Variants in KIF16B observed in about 807,000 individuals in gnomAD.
KIF16B encodes the protein kinesin-like protein KIF16B.
KIF16B carries 98 observed loss-of-function variants against 156.3 expected under a neutral mutation model. The observed-to-expected ratio is 0.63, with a 90% CI of 0.53 to 0.74. The LOEUF is 0.74. Among genes scored for constraint, KIF16B ranks in the 30% least tolerant of loss-of-function variants. KIF16B has a pLI of 0.00. For synonymous variants in KIF16B, 564 were observed against 583.7 expected, an observed-to-expected ratio of 0.97 and a Z score of 0.49; for missense variants, 1,421 against 1,606.5, an observed-to-expected ratio of 0.88 and a Z score of 1.97.
intron 15 of KIF16B, among the ~76,000 whole-genome samples, chr20:16,407,290 T>A (rs1244685339): frequency 6.6e-6 from 1 of 152,090 alleles, no homozygotes; most frequent in Non-Finnish European, 1.5e-5. Flanking sequence ...GCAGAAGAGG[T>A]TCACTGTGTC....
At chr20:16,316,010 A>G (rs138535288) in intron 24 of KIF16B, among the ~76,000 whole-genome samples, 3 of 152,320 alleles carry the variant, frequency 2.0e-5, no homozygotes, top group African/African-American at 7.2e-5. Context: ...ACGTGAGTGA[A>G]TCCCTTCCCT....
At chr20:16,487,219 T>C (rs1384069003) in intron 12 of KIF16B, among the ~76,000 whole-genome samples, 2 of 151,534 alleles carry the variant, frequency 1.3e-5, no homozygotes, top group African/African-American at 4.9e-5. Flanking sequence ...GCCACTGCAC[T>C]CCAGCCTGGG....
rs904845437 is a variant in KIF16B, at chr20:16,426,999, C to A, written c.1612+105G>T. ...AGCAAACAGTCTCACCCTTTTTATA[C>A]CTAATCAATAATTAATTCTAAGATG... is the stretch of plus-strand genomic sequence containing the variant. On this transcript the variant is annotated intron_variant, in intron 15 of 25. Transcript: ENST00000354981. 35 of 1,017,848 alleles carry A rather than the reference C, an allele frequency of 3.4e-5. No individual in the cohort carries two copies. The South Asian group carries it at 7.1e-4, about 21-fold the overall frequency. The allele number at this position is 1,017,848 out of a possible 1,614,324, so 63.1% of individuals were successfully genotyped here. A position where few individuals can be genotyped will look rare whatever the true frequency, so the allele number is the denominator to read the frequency against.
rs548137657 is a variant in KIF16B at position 16,284,204 on chromosome 20, C to T, written c.3796-10793G>A. 1.4e-4 allele frequency among the ~76,000 whole-genome samples: 21 copies of T among 152,318 alleles called. 1 individual carries two copies. The highest frequency in any genetic ancestry group is 4.1e-4 in the African/African-American group (17 of 41,582). On this transcript the variant is annotated intron_variant, in intron 25 of 25. Transcript: ENST00000354981. ...CTAGCTAATTACACAGGAACACCTG[C>T]CTGGCACACTGTTTTGCAAGCCAAT...
At chr20:16,530,547 C>T (rs1023425514) in intron 1 of KIF16B, among the ~76,000 whole-genome samples, 3 of 152,116 alleles carry the variant, frequency 2.0e-5, no homozygotes, top group African/African-American at 4.8e-5. Context: ...TCCCCAAGCC[C>T]GCACCGGGAC....
At chr20:16,514,691 G>A (rs1297296349) in intron 4 of KIF16B, among the ~76,000 whole-genome samples, 2 of 150,374 alleles carry the variant, frequency 1.3e-5, no homozygotes, top group Non-Finnish European at 3.0e-5. Context: ...AGAAGTTCGA[G>A]ACCAGCCTCG....
intron 25 of KIF16B, among the ~76,000 whole-genome samples, chr20:16,286,193 T>A (rs144247940): frequency 5.5e-4 from 84 of 152,344 alleles, no homozygotes; most frequent in African/African-American, 1.9e-3. Context: ...AGAATGAAGA[T>A]TATTACAAAT....
intron 24 of KIF16B, among the ~76,000 whole-genome samples, chr20:16,335,270 T>A (rs2064015489): frequency 6.6e-6 from 1 of 152,206 alleles, no homozygotes; most frequent in African/African-American, 2.4e-5. Context: ...ATCATCTTCA[T>A]CATCATCATT....
chr20:16,326,378 G>A (rs1207800985), intron 24 of KIF16B, among the ~76,000 whole-genome samples: 1 of 151,250 alleles, frequency 6.6e-6, no homozygotes, highest in Non-Finnish European at 1.5e-5. Context: ...CATAGAGTGG[G>A]AGAAAATCTT....
rs567194928 is a variant in KIF16B at position 16,357,163 on chromosome 20, T to TG, written c.3499-712dup. On this transcript the variant is annotated intron_variant, in intron 22 of 25. Coordinates refer to ENST00000354981, the MANE Select transcript of KIF16B (RefSeq NM_024704.5). ...ACAATCCTTATTGTTTGCATTAAGC[T>TG]GGGGGCTTTAGAAAACATATGTTTT... is the stretch of plus-strand genomic sequence containing the variant. Among the ~76,000 whole-genome samples the TG allele has an allele frequency of 3.3e-4, 50 of 152,330 alleles. No homozygotes were observed. In the East Asian group the frequency reaches 8.7e-3, roughly 26 times the overall value.
At chr20:16,432,514 A>T (rs762670552) in intron 12 of KIF16B, among the ~76,000 whole-genome samples, 4 of 152,128 alleles carry the variant, frequency 2.6e-5, no homozygotes, top group Non-Finnish European at 5.9e-5. Context: ...TATTAAAACA[A>T]CCTACGAAGT....
chr20:16,493,983 G>T (rs1034669116), intron 12 of KIF16B, among the ~76,000 whole-genome samples: 6 of 152,006 alleles, frequency 3.9e-5, no homozygotes, highest in Non-Finnish European at 8.8e-5. Flanking sequence ...GAATATCCTT[G>T]AATATTAAAT....
At chr20:16,396,286 T>A (rs1205725390) in intron 17 of KIF16B, among the ~76,000 whole-genome samples, 2 of 151,730 alleles carry the variant, frequency 1.3e-5, no homozygotes, top group East Asian at 3.9e-4. Context: ...AAACCATCCA[T>A]CCCCCTCCTC....
In KIF16B at chr20:16,440,531, GCGCACACACACA is replaced by G. The variant is rs1406014390; in HGVS notation, c.1303-10561_1303-10550del. Among the ~76,000 whole-genome samples, 270 of 79,504 alleles carry G rather than the reference GCGCACACACACA, an allele frequency of 3.4e-3. 1 individual carries two copies. Among genetic ancestry groups the G allele is most frequent in the African/African-American group, 0.012 (247 of 20,586 alleles). The allele number at this position is 79,504 out of a possible 152,430, so 52.2% of individuals were successfully genotyped here. A position where few individuals can be genotyped will look rare whatever the true frequency, so the allele number is the denominator to read the frequency against. ...ACCTATGGTTAAAACACACAAGCGCGCGCACACACACACACACACACACACACACACACACAC... is the reference window on the plus strand; with the variant it reads ...ACCTATGGTTAAAACACACAAGCGCGCACACACACACACACACACACACAC... On this transcript the variant is annotated intron_variant, in intron 12 of 25. Transcript: ENST00000354981.
At chr20:16,332,303 T>C (rs1418796597) in intron 24 of KIF16B, among the ~76,000 whole-genome samples, 1 of 152,124 alleles carries the variant, frequency 6.6e-6, no homozygotes, top group Non-Finnish European at 1.5e-5. Flanking sequence ...CCCAGTGATG[T>C]CCGAGAACCA....
chr20:16,344,972 C>A (rs188310869), intron 23 of KIF16B, among the ~76,000 whole-genome samples: 4 of 152,264 alleles, frequency 2.6e-5, no homozygotes, highest in African/African-American at 9.6e-5. Context: ...GAGGAGAGCC[C>A]CTCTCCAAGG....
intron 23 of KIF16B, among the ~76,000 whole-genome samples, chr20:16,348,128 A>T (rs2064268258): frequency 6.6e-6 from 1 of 152,256 alleles, no homozygotes; most frequent in South Asian, 2.1e-4. Context: ...TGACTTGGTC[A>T]GCATTCAAGG....
chr20:16,302,383 T>C (rs758325453), intron 25 of KIF16B, among the ~76,000 whole-genome samples: 3 of 152,272 alleles, frequency 2.0e-5, no homozygotes, highest in Non-Finnish European at 4.4e-5. Flanking sequence ...TTGAAAAGAC[T>C]ATCTTTACTT....
chr20:16,540,672 A>T (rs2070161640), intron 1 of KIF16B, among the ~76,000 whole-genome samples: 1 of 152,026 alleles, frequency 6.6e-6, no homozygotes, highest in South Asian at 2.1e-4. Flanking sequence ...CCACATTCAA[A>T]ACTAGTCCCA....
Sources: gnomAD v4.1 joint callset for allele counts (sites outside exome capture counted in the v4.1 genomes callset) on GRCh38, gnomAD v4.1.1 for gene constraint, MANE v1.5 for transcripts, NCBI Gene and HGNC (gene_info 2026-07-23, HGNC 2026-07-21) for gene names.